VSTM2B: variants seen among roughly 807,000 people sequenced by gnomAD.
VSTM2B encodes V-set and transmembrane domain-containing protein 2B.
VSTM2B carries 24 observed loss-of-function variants against 24.0 expected under a neutral mutation model. That is an observed-to-expected ratio of 1.00 (90% CI 0.72 to 1.40). The LOEUF is 1.40. VSTM2B is among the 40% of genes most tolerant of loss of function. VSTM2B has a pLI of 0.00. For missense variants in VSTM2B, 399 were observed against 416.4 expected (o/e 0.96, Z 0.36); for synonymous variants, 226 against 194.4 (o/e 1.16, Z -1.35).
intron 4 of VSTM2B, among the ~76,000 whole-genome samples, chr19:29,557,426 C>T (rs145297119): frequency 9.2e-5 from 14 of 152,170 alleles, no homozygotes; most frequent in Non-Finnish European, 1.6e-4. Flanking sequence ...AAGCTGGGCA[C>T]GGTGGCTTAT....
chr19:29,551,961 C>T (rs1970293952), intron 4 of VSTM2B, among the ~76,000 whole-genome samples: 1 of 152,234 alleles, frequency 6.6e-6, no homozygotes, highest in Non-Finnish European at 1.5e-5. Context: ...CCCTCTGGGC[C>T]TTGCCTTGTA....
At position 29,538,407 on chromosome 19, in the gene VSTM2B, G is replaced by A. The variant is rs566705394; in HGVS notation, c.769+8117G>A. ...GTGGATGTTGGCTTTGGTAACCAGC[G>A]TTATTCACGGGAATGGTGTTAACCA... On this transcript the variant is annotated intron_variant, in intron 4 of 4. Transcript: ENST00000335523. Among the ~76,000 whole-genome samples, 20 of 152,272 alleles carry A rather than the reference G, an allele frequency of 1.3e-4. No individual in the cohort carries two copies. In the East Asian group the frequency reaches 2.9e-3, roughly 22 times the overall value.
In VSTM2B at chr19:29,544,527, A is replaced by G. The variant is rs1030322426; in HGVS notation, c.769+14237A>G. On this transcript the variant is annotated intron_variant, in intron 4 of 4. Coordinates refer to ENST00000335523, the MANE Select transcript of VSTM2B (RefSeq NM_001146339.2). ...GGCGAAAGAGCGAGACTCTGTCTCA[A>G]AAAAAAAAAAAAAAAAAAAAAAAAA... Among the ~76,000 whole-genome samples the G allele has an allele frequency of 4.0e-4, 8 of 20,068 alleles. 2 individuals carry two copies. Among genetic ancestry groups the G allele is most frequent in the African/African-American group, 1.3e-3 (8 of 6,294 alleles). 13.2% of individuals were successfully genotyped at this position (20,068 alleles called of 152,430 possible).
rs1757682110 is a variant in VSTM2B, at chr19:29,526,567, C to T, written c.-17C>T. On this transcript the variant is annotated 5_prime_UTR_variant, in exon 1 of 5. Coordinates refer to ENST00000335523, the MANE Select transcript of VSTM2B (RefSeq NM_001146339.2). This position sits in a 1 kb window ranked among gnomAD's most constrained non-coding sequence, Gnocchi z 4.1. ...TCCGCTCCCGGGCCCCCGCCGCCAC[C>T]GCGCCCCCCGCGGGAGATGGAACAG... 3 of 1,501,498 alleles carry T rather than the reference C, an allele frequency of 2.0e-6. No homozygotes were observed. The highest frequency in any genetic ancestry group is 2.7e-6 in the Non-Finnish European group (3 of 1,130,354). 93.0% of individuals were successfully genotyped at this position (1,501,498 alleles called of 1,614,324 possible).
chr19:29,557,789 G>A lies in VSTM2B; in HGVS notation c.770-6057G>A, dbSNP rs1399548324. On this transcript the variant is annotated intron_variant, in intron 4 of 4. Coordinates refer to ENST00000335523, the MANE Select transcript of VSTM2B (RefSeq NM_001146339.2). ...CAATACCATTTGGGACATAGGCACAGGCAAAGATTTCATGACGAAAGTGTC... is the reference window on the plus strand; with the variant it reads ...CAATACCATTTGGGACATAGGCACAAGCAAAGATTTCATGACGAAAGTGTC... Among the ~76,000 whole-genome samples the A allele has an allele frequency of 2.0e-5, 3 of 151,692 alleles. No individual in the cohort carries two copies. The East Asian group carries it at 5.8e-4, about 29-fold the overall frequency.
chr19:29,527,377 G>T lies in VSTM2B; in HGVS notation c.249G>T (p.Val83=). The change falls in exon 2 of 5, where the codon GTG becomes GTT. Residue 83 remains valine (V), a synonymous_variant. Transcript: ENST00000335523. ...TGCTGCACGAGCTGGCGCTCAGCGT[G>T]CCGGGCGCCCGGAGCAAGGTAACCC... ...RELLHELALS[V]PGARSKVTNK... 6.5e-7 allele frequency: 1 copy of T among 1,540,486 alleles called. No individual in the cohort carries two copies. Among genetic ancestry groups the T allele is most frequent in the African/African-American group, 1.4e-5 (1 of 72,198 alleles).
Position 29,564,034 on chromosome 19 carries a change from C to G in VSTM2B, c.*100C>G. 1.1e-6 allele frequency: 1 copy of G among 898,580 alleles called. No individual in the cohort carries two copies. Among genetic ancestry groups the G allele is most frequent in the Non-Finnish European group, 1.7e-6 (1 of 578,582 alleles). 55.7% of individuals were successfully genotyped at this position (898,580 alleles called of 1,614,324 possible). A position where few individuals can be genotyped will look rare whatever the true frequency, so the allele number is the denominator to read the frequency against. On this transcript the variant is annotated 3_prime_UTR_variant, in exon 5 of 5. Transcript: ENST00000335523. ...GGATGGACACAGAGAGACTGAGAGA[C>G]GCATGAAAAAGTCCACATGGAAAAT...
chr19:29,552,183 C>T (rs924400765), intron 4 of VSTM2B, among the ~76,000 whole-genome samples: 3 of 152,208 alleles, frequency 2.0e-5, no homozygotes, highest in East Asian at 3.8e-4. Flanking sequence ...ATGTACAGAC[C>T]CCACTTACTC....
chr19:29,547,209 C>A (rs920459865), intron 4 of VSTM2B, among the ~76,000 whole-genome samples: 3 of 152,190 alleles, frequency 2.0e-5, no homozygotes, highest in Non-Finnish European at 4.4e-5. Flanking sequence ...TTGGGACATA[C>A]TTGTACTAAA....
intron 4 of VSTM2B, among the ~76,000 whole-genome samples, chr19:29,533,462 G>A (rs1969809568): frequency 6.6e-6 from 1 of 152,164 alleles, no homozygotes; most frequent in African/African-American, 2.4e-5. Flanking sequence ...CTCTCTCCAA[G>A]TCTCCTTTGG....
chr19:29,549,574 C>T lies in VSTM2B; in HGVS notation c.770-14272C>T, dbSNP rs1355245827. On this transcript the variant is annotated intron_variant, in intron 4 of 4. Transcript: ENST00000335523. ...GCTCTAGGAGACCCCAGACACTGGC[C>T]CCAATGCTGCCCCAGGAGACCCCTG... Among the ~76,000 whole-genome samples the T allele has an allele frequency of 8.6e-5, 13 of 151,166 alleles. No individual in the cohort carries two copies. In the South Asian group the frequency reaches 2.3e-3, roughly 27 times the overall value.
In VSTM2B at chr19:29,528,475, C is replaced by A. The variant is rs1333433409; in HGVS notation, c.297+13C>A. 2.6e-6 allele frequency: 4 copies of A among 1,550,776 alleles called. No homozygotes were observed. The highest frequency in any genetic ancestry group is 1.7e-4 in the Middle Eastern group (1 of 5,990). On this transcript the variant is annotated intron_variant, in intron 3 of 4. Transcript: ENST00000335523. ...AACTAAAATCAGCGTAAGTGTGGAG[C>A]CCAGCGCGGGCCGCGGGAGACCCCT...
At chr19:29,533,528 C>T (rs540333474) in intron 4 of VSTM2B, among the ~76,000 whole-genome samples, 1 of 152,360 alleles carries the variant, frequency 6.6e-6, no homozygotes, top group East Asian at 1.9e-4. Context: ...GTCCCTCACT[C>T]TCCAGGTGAA....
chr19:29,525,967 C>T (rs1275322978), upstream of VSTM2B, among the ~76,000 whole-genome samples: 1 of 151,790 alleles, frequency 6.6e-6, no homozygotes, highest in African/African-American at 2.4e-5. Context: ...ACCGCCCCCT[C>T]CCTTCCCCTC....
intron 4 of VSTM2B, among the ~76,000 whole-genome samples, chr19:29,533,621 AAC>A (rs1969813360): frequency 6.6e-6 from 1 of 152,166 alleles, no homozygotes; most frequent in South Asian, 2.1e-4. Flanking sequence ...GTCATTCACA[AAC>A]ACATCCGAAC....
intron 4 of VSTM2B, among the ~76,000 whole-genome samples, chr19:29,550,766 C>G (rs915482094): frequency 6.6e-6 from 1 of 151,976 alleles, no homozygotes; most frequent in African/African-American, 2.4e-5. Flanking sequence ...AGCCTGTTGT[C>G]CATTTTTGTG....
At chr19:29,561,763 G>A (rs1310609846) in intron 4 of VSTM2B, among the ~76,000 whole-genome samples, 1 of 152,206 alleles carries the variant, frequency 6.6e-6, no homozygotes, top group Non-Finnish European at 1.5e-5. Flanking sequence ...GAGCCTCAGG[G>A]AACTCCACCC....
intron 4 of VSTM2B, among the ~76,000 whole-genome samples, chr19:29,557,699 C>CAA (rs201120442): frequency 6.1e-5 from 6 of 98,494 alleles, no homozygotes; most frequent in African/African-American, 1.5e-4. Flanking sequence ...AACTCCATCT[C>CAA]AAAAAAAAAA....
intron 4 of VSTM2B, among the ~76,000 whole-genome samples, chr19:29,538,148 C>T: frequency 6.6e-6 from 1 of 152,178 alleles, no homozygotes; most frequent in East Asian, 1.9e-4. Context: ...ACAGCATGTG[C>T]TTCTCACTCC....
Sources: gnomAD v4.1 joint callset for allele counts (sites outside exome capture counted in the v4.1 genomes callset) on GRCh38, gnomAD v4.1.1 for gene constraint, Gnocchi (gnomAD v3.1) non-coding constraint, MANE v1.5 for transcripts, NCBI Gene and HGNC (gene_info 2026-07-23, HGNC 2026-07-21) for gene names.